The following PPP1R12B variants were observed in gnomAD, a reference collection of about 807,000 sequenced individuals.
The protein encoded by PPP1R12B is protein phosphatase 1 regulatory subunit 12B.
In PPP1R12B, 76 loss-of-function variants were observed where a neutral mutation model predicts 126.1. That is an observed-to-expected ratio of 0.60 (90% CI 0.50 to 0.73). PPP1R12B has a LOEUF of 0.73. Ranked by LOEUF, PPP1R12B falls within the 30% of genes least tolerant of loss-of-function variation. PPP1R12B has a pLI of 0.00. For synonymous variants in PPP1R12B, 356 were observed against 434.7 expected, an observed-to-expected ratio of 0.82 and a Z score of 2.25; for missense variants, 1,052 against 1,205.1, an observed-to-expected ratio of 0.87 and a Z score of 1.88.
intron 1 of PPP1R12B, among the ~76,000 whole-genome samples, chr1:202,388,373 T>G (rs1311571786): frequency 1.3e-5 from 2 of 152,024 alleles, no homozygotes; most frequent in African/African-American, 4.8e-5. Context: ...ACGAGGCTAA[T>G]TTTTGTATTT....
intron 1 of PPP1R12B, among the ~76,000 whole-genome samples, chr1:202,362,527 C>G (rs142975865): frequency 6.6e-6 from 1 of 152,242 alleles, no homozygotes; most frequent in African/African-American, 2.4e-5. Flanking sequence ...AAGTGCTTAA[C>G]AGGTATTTTT....
At chr1:202,523,887 G>T (rs1217607311) in intron 18 of PPP1R12B, among the ~76,000 whole-genome samples, 2 of 152,022 alleles carry the variant, frequency 1.3e-5, no homozygotes, top group Non-Finnish European at 1.5e-5. Flanking sequence ...GCTAATTTTT[G>T]TATTTTTAGT....
intron 1 of PPP1R12B, among the ~76,000 whole-genome samples, chr1:202,393,026 A>C (rs1664371438): frequency 6.6e-6 from 1 of 152,138 alleles, no homozygotes; most frequent in Non-Finnish European, 1.5e-5. Flanking sequence ...ACTCACTGCA[A>C]CCTGCATCTT....
chr1:202,446,305 G>C (rs1249099836), intron 12 of PPP1R12B, among the ~76,000 whole-genome samples: 1 of 133,450 alleles, frequency 7.5e-6, no homozygotes, highest in Non-Finnish European at 1.5e-5. Context: ...CCAGGCTGGA[G>C]TGCAGTGGTG....
At position 202,430,740 on chromosome 1, in the gene PPP1R12B, G is replaced by A. The variant is rs760161148; in HGVS notation, c.931G>A (p.Glu311Lys). The change falls in exon 7 of 24, where the codon GAA becomes AAA. Residue 311 changes from glutamate (E) to lysine (K), a missense_variant. Transcript: ENST00000608999. ...LQKKQNVLRS[E>K]KETRNKLIES... is the part of the protein sequence containing the mutation. ...TTTTCTCCATTTCCAGCTTCGAAGT[G>A]AAAAGGAGACACGGAATAAACTCAT... The A allele has an allele frequency of 1.2e-6, 2 of 1,612,458 alleles. No homozygotes were observed. The highest frequency in any genetic ancestry group is 3.3e-5 in the Admixed American group (2 of 59,904).
chr1:202,559,565 A>G (rs1687308274), intron 19 of PPP1R12B, among the ~76,000 whole-genome samples: 1 of 152,208 alleles, frequency 6.6e-6, no homozygotes, highest in African/African-American at 2.4e-5. Flanking sequence ...GAAACTAAAT[A>G]AAAAATAATA....
intron 23 of PPP1R12B, among the ~76,000 whole-genome samples, chr1:202,578,822 G>A (rs1414384706): frequency 6.6e-6 from 1 of 152,212 alleles, no homozygotes; most frequent in South Asian, 2.1e-4. Flanking sequence ...TGCAGAGAAG[G>A]CGAGTGATCT....
intron 18 of PPP1R12B, among the ~76,000 whole-genome samples, chr1:202,555,454 AG>A: frequency 6.7e-6 from 1 of 149,778 alleles, no homozygotes. Context: ...ATATTTACAA[AG>A]AAGAAACTAA....
At chr1:202,399,242 C>T (rs1271642165) in intron 1 of PPP1R12B, among the ~76,000 whole-genome samples, 1 of 152,074 alleles carries the variant, frequency 6.6e-6, no homozygotes, top group Non-Finnish European at 1.5e-5. Context: ...TTTCTTTTGA[C>T]AGGGTCTCGC....
At position 202,434,527 on chromosome 1, in the gene PPP1R12B, C is replaced by T; in HGVS notation, c.1142-129C>T. On this transcript the variant is annotated intron_variant, in intron 8 of 23. Coordinates refer to ENST00000608999, the MANE Select transcript of PPP1R12B (RefSeq NM_002481.4). ...AGTTTACAAGTTGTTAGTTTATATC[C>T]AAGCATTACAGGGCCTTAATAATCT... The T allele has an allele frequency of 4.2e-6, 5 of 1,185,066 alleles. No homozygotes were observed. In the South Asian group the frequency reaches 7.7e-5, roughly 18 times the overall value. 73.4% of individuals were successfully genotyped at this position (1,185,066 alleles called of 1,614,324 possible). A position where few individuals can be genotyped will look rare whatever the true frequency, so the allele number is the denominator to read the frequency against.
chr1:202,548,570 C>T (rs146513672), intron 18 of PPP1R12B, among the ~76,000 whole-genome samples: 1 of 152,142 alleles, frequency 6.6e-6, no homozygotes, highest in Non-Finnish European at 1.5e-5. Flanking sequence ...AGTGATCCTC[C>T]TGCCTCAGCA....
chr1:202,550,781 A>G (rs1686225890), intron 18 of PPP1R12B, among the ~76,000 whole-genome samples: 1 of 152,242 alleles, frequency 6.6e-6, no homozygotes, highest in East Asian at 1.9e-4. Context: ...GGCTCGATGG[A>G]AAATATGCCG....
intron 18 of PPP1R12B, among the ~76,000 whole-genome samples, chr1:202,503,576 G>C (rs756946788): frequency 3.3e-4 from 50 of 152,142 alleles, no homozygotes; most frequent in Non-Finnish European, 6.2e-4. Context: ...ACCACGAAGA[G>C]AATGAATGTA....
chr1:202,562,601 T>C (rs768165648), intron 19 of PPP1R12B, 177 bp from the exon 20 acceptor site: 10 of 797,884 alleles, frequency 1.3e-5, no homozygotes, highest in South Asian at 9.4e-5. Flanking sequence ...TCGTGCAGTT[T>C]AGCCCTGAGG....
intron 1 of PPP1R12B, among the ~76,000 whole-genome samples, chr1:202,352,859 G>A (rs1194105949): frequency 6.6e-6 from 1 of 151,040 alleles, no homozygotes; most frequent in Non-Finnish European, 1.5e-5. Flanking sequence ...CTGCACTCCA[G>A]CCTGGGTAAA....
intron 22 of PPP1R12B, among the ~76,000 whole-genome samples, chr1:202,568,084 G>T (rs1688225361): frequency 2.6e-5 from 4 of 152,038 alleles, no homozygotes; most frequent in Admixed American, 2.6e-4. Flanking sequence ...GTCCTTGGAA[G>T]GTCATCTCGT....
chr1:202,377,288 T>G (rs1289472596), intron 1 of PPP1R12B, among the ~76,000 whole-genome samples: 1 of 152,016 alleles, frequency 6.6e-6, no homozygotes, highest in African/African-American at 2.4e-5. Flanking sequence ...GGGTTGAATA[T>G]TTTGGAGTAG....
intron 1 of PPP1R12B, among the ~76,000 whole-genome samples, chr1:202,380,605 C>G (rs567741752): frequency 8.2e-4 from 125 of 152,292 alleles, no homozygotes; most frequent in Middle Eastern, 3.4e-3. Flanking sequence ...CAACACCCCC[C>G]CCATTCCTTG....
intron 1 of PPP1R12B, among the ~76,000 whole-genome samples, chr1:202,380,636 A>G (rs1051182482): frequency 2.0e-5 from 3 of 152,112 alleles, no homozygotes; most frequent in East Asian, 1.9e-4. Context: ...CTCAGTGTCA[A>G]TAGATACCTT....
Sources: allele counts gnomAD v4.1 joint callset (sites outside exome capture counted in the v4.1 genomes callset), GRCh38; gene constraint gnomAD v4.1.1; transcripts MANE v1.5; gene names NCBI Gene and HGNC (gene_info 2026-07-23, HGNC 2026-07-21).